FRMPD1: variants seen among roughly 807,000 people sequenced by gnomAD.
The protein encoded by FRMPD1 is FERM and PDZ domain containing 1.
FRMPD1 carries 76 observed loss-of-function variants against 117.8 expected under a neutral mutation model. That is an observed-to-expected ratio of 0.65 (90% confidence interval 0.54 to 0.78). The LOEUF (loss-of-function observed/expected upper bound fraction) is 0.78, where lower values mean the gene tolerates loss of function less well. FRMPD1 is among the 30% of genes least tolerant of loss of function. The pLI is 0.00. For synonymous variants in FRMPD1, 783 were observed against 770.4 expected, an observed-to-expected ratio of 1.02 and a Z score of -0.27; for missense variants, 1,786 against 1,964.5, an observed-to-expected ratio of 0.91 and a Z score of 1.72.
intron 7 of FRMPD1, among the ~76,000 whole-genome samples, chr9:37,728,360 T>C (rs1199961945): frequency 2.0e-5 from 3 of 152,090 alleles, no homozygotes; most frequent in Admixed American, 6.5e-5. Flanking sequence ...GTAACAGGGA[T>C]GATTATGTAT....
intron 6 of FRMPD1, among the ~76,000 whole-genome samples, chr9:37,723,454 A>G (rs1015343845): frequency 6.6e-6 from 1 of 152,188 alleles, no homozygotes; most frequent in Non-Finnish European, 1.5e-5. Flanking sequence ...CCCAAGTGCC[A>G]AGAAAGAACC....
At position 37,660,541 on chromosome 9, in the gene FRMPD1, C is replaced by T. The variant is rs143470285; in HGVS notation, c.-5+9447C>T. 7.5e-4 allele frequency among the ~76,000 whole-genome samples: 114 copies of T among 152,246 alleles called. 2 individuals are homozygous for T. In the East Asian group the frequency reaches 0.019, roughly 26 times the overall value. The stretch of plus-strand genomic sequence containing the variant: ...CTGCACTGCTTAGAGACCTCCGCTT[C>T]TCATTTCTCTTAAAGAACAGTGATT... On this transcript the variant is annotated intron_variant, in intron 1 of 15. Coordinates refer to ENST00000377765, the MANE Select transcript of FRMPD1 (RefSeq NM_014907.3).
At chr9:37,684,137 G>T (rs10973485) in intron 1 of FRMPD1, among the ~76,000 whole-genome samples, 48,281 of 150,328 alleles carry the variant, frequency 0.32, 8,764 homozygotes, top group Non-Finnish European at 0.43. Flanking sequence ...TGGCGGGTAG[G>T]CAGGGCCAGA....
rs753130494 is a variant in FRMPD1 at position 37,729,870 on chromosome 9, G to T, written c.738+17G>T. The T allele has an allele frequency of 6.2e-7, 1 of 1,610,894 alleles. No individual in the cohort carries two copies. Among genetic ancestry groups the T allele is most frequent in the South Asian group, 1.1e-5 (1 of 90,698 alleles). On this transcript the variant is annotated intron_variant, in intron 8 of 15. Transcript: ENST00000377765. Reference sequence around the variant, plus strand: ...ATCCAGCAGGTAGGGAGGACTGACCGCCTGTTCCTGGGAGGCATGGGCTGG... The same window carrying T: ...ATCCAGCAGGTAGGGAGGACTGACCTCCTGTTCCTGGGAGGCATGGGCTGG...
At chr9:37,735,212 T>G (rs962819853) in intron 12 of FRMPD1, among the ~76,000 whole-genome samples, 2 of 152,150 alleles carry the variant, frequency 1.3e-5, no homozygotes, top group African/African-American at 4.8e-5. Context: ...CCATAGGCAG[T>G]AGGTTTTGAT....
the FRMPD1 span, among the ~76,000 whole-genome samples, chr9:37,625,089 T>C: frequency 6.6e-6 from 1 of 152,204 alleles, no homozygotes; most frequent in African/African-American, 2.4e-5. Context: ...ATTAGTAGCT[T>C]TGACTAAGTA....
At chr9:37,640,741 T>C in the FRMPD1 span, among the ~76,000 whole-genome samples, 1 of 152,230 alleles carries the variant, frequency 6.6e-6, no homozygotes, top group Non-Finnish European at 1.5e-5. Context: ...TAACAATGAA[T>C]TATTTTGTGA....
the FRMPD1 span, among the ~76,000 whole-genome samples, chr9:37,622,595 C>G: frequency 6.6e-6 from 1 of 152,228 alleles, no homozygotes; most frequent in Non-Finnish European, 1.5e-5. Flanking sequence ...GAGGCAGAAA[C>G]TCCAGCCTGG....
At position 37,745,766 on chromosome 9, in the gene FRMPD1, C is replaced by T; in HGVS notation, c.3734C>T (p.Pro1245Leu). 6.2e-7 allele frequency: 1 copy of T among 1,614,178 alleles called. No homozygotes were observed. The highest frequency in any genetic ancestry group is 1.7e-5 in the Admixed American group (1 of 60,014). ...CAAGATATAGCCCCTAGGGACAGCC[C>T]TGAGTGGGTCTGTTTTAATCCTGAG... ...TGQDIAPRDS[P>L]EWVCFNPEPS... The change falls in exon 16 of 16, where the codon CCT becomes CTT. Residue 1245 changes from proline to leucine, a missense_variant. Physicochemically the swap from Pro to Leu is moderately conservative, Grantham distance 98 (BLOSUM62 -3). Transcript: ENST00000377765.
At chr9:37,695,972 T>G (rs1822305378) in intron 2 of FRMPD1, among the ~76,000 whole-genome samples, 1 of 151,682 alleles carries the variant, frequency 6.6e-6, no homozygotes, top group South Asian at 2.1e-4. Context: ...ACAAGTCTCT[T>G]CACAATCTCT....
intron 1 of FRMPD1, among the ~76,000 whole-genome samples, chr9:37,658,810 C>T (rs1820914947): frequency 6.6e-6 from 1 of 152,218 alleles, no homozygotes; most frequent in Non-Finnish European, 1.5e-5. Flanking sequence ...TGTAAAAATC[C>T]TTTTTCCAAA....
intron 1 of FRMPD1, among the ~76,000 whole-genome samples, chr9:37,660,437 T>C (rs1179700215): frequency 6.6e-6 from 1 of 152,020 alleles, no homozygotes; most frequent in Non-Finnish European, 1.5e-5. Context: ...TTCCTGGTCA[T>C]CATCCGATGG....
chr9:37,711,509 G>A, intron 5 of FRMPD1, 114 bp downstream of exon 5: 1 of 812,336 alleles, frequency 1.2e-6, no homozygotes, highest in Non-Finnish European at 2.2e-6. Flanking sequence ...GGTGGAGGGT[G>A]ACAGCTGCCC....
At chr9:37,722,925 T>C (rs1365978961) in intron 6 of FRMPD1, among the ~76,000 whole-genome samples, 7 of 152,154 alleles carry the variant, frequency 4.6e-5, no homozygotes. Context: ...AGCTGGGAGA[T>C]TCTCCAAAAC....
intron 1 of FRMPD1, among the ~76,000 whole-genome samples, chr9:37,666,938 C>A (rs1368989606): frequency 1.3e-5 from 2 of 152,068 alleles, no homozygotes; most frequent in Non-Finnish European, 2.9e-5. Flanking sequence ...GCCTCCCAGT[C>A]GGTTCCGTCC....
At chr9:37,734,879 T>G (rs1327093144) in intron 12 of FRMPD1, among the ~76,000 whole-genome samples, 1 of 152,164 alleles carries the variant, frequency 6.6e-6, no homozygotes, top group African/African-American at 2.4e-5. Context: ...AAGGGCTAAT[T>G]CTACCCTCTC....
chr9:37,746,115 C>A lies in FRMPD1; in HGVS notation c.4083C>A (p.His1361Gln). 1 of 1,614,172 alleles carries A rather than the reference C, an allele frequency of 6.2e-7. No homozygotes were observed. Among genetic ancestry groups the A allele is most frequent in the Non-Finnish European group, 8.5e-7 (1 of 1,180,028 alleles). ...AAGAAGACAGGGACTTGGAAGCACACCCCATGGCCCCCCTCACCTCACCGC... is the reference window on the plus strand; with the variant it reads ...AAGAAGACAGGGACTTGGAAGCACAACCCATGGCCCCCCTCACCTCACCGC... ...TEEEDRDLEA[H>Q]PMAPLTSPPS... The change falls in exon 16 of 16, where the codon CAC (histidine) becomes CAA (glutamine). Residue 1361 changes from histidine to glutamine, a missense_variant. By Grantham distance (24) the His-to-Gln change is conservative. Transcript: ENST00000377765.
intron 3 of FRMPD1, 112 bp from the exon 4 acceptor site, chr9:37,708,287 G>C (rs1479855530): frequency 1.5e-6 from 1 of 675,054 alleles, no homozygotes; most frequent in Non-Finnish European, 2.7e-6. Flanking sequence ...GCGGGGGAGT[G>C]AGCCAGTGCC....
intron 1 of FRMPD1, chr9:37,668,168 C>G (rs1382864230): frequency 6.6e-6 from 1 of 152,254 alleles, no homozygotes; most frequent in African/African-American, 2.4e-5. Context: ...AGGGTTTCCT[C>G]TCTCGACTGG....
Sources: allele counts gnomAD v4.1 joint callset (sites outside exome capture counted in the v4.1 genomes callset), GRCh38; gene constraint gnomAD v4.1.1; transcripts MANE v1.5; gene names NCBI Gene and HGNC (gene_info 2026-07-23, HGNC 2026-07-21).